CCPG1: variants seen among roughly 807,000 people sequenced by gnomAD.
CCPG1 encodes cell cycle progression protein 1.
A neutral mutation model predicts 81.3 loss-of-function variants in CCPG1; 46 were observed. That is an observed-to-expected ratio of 0.57 (90% confidence interval 0.45 to 0.72). CCPG1 has a LOEUF of 0.72. CCPG1 is among the 30% of genes least tolerant of loss of function. CCPG1 has a pLI of 0.00. For synonymous variants in CCPG1, 330 were observed against 305.2 expected, an observed-to-expected ratio of 1.08 and a Z score of -0.85; for missense variants, 902 against 937.6, an observed-to-expected ratio of 0.96 and a Z score of 0.50.
intron 3 of CCPG1, among the ~76,000 whole-genome samples, chr15:55,384,454 G>A (rs2056760865): frequency 1.3e-5 from 2 of 152,174 alleles, no homozygotes; most frequent in African/African-American, 2.4e-5. Flanking sequence ...GAGGTCAGGA[G>A]TTCGAGACCA....
At chr15:55,376,668 G>C (rs1237192596) in intron 5 of CCPG1, among the ~76,000 whole-genome samples, 1 of 152,050 alleles carries the variant, frequency 6.6e-6, no homozygotes, top group East Asian at 1.9e-4. Context: ...AGCACCAAAA[G>C]AATTTTGGAG....
intron 6 of CCPG1, among the ~76,000 whole-genome samples, chr15:55,368,093 C>G (rs1157287129): frequency 1.3e-5 from 2 of 152,124 alleles, no homozygotes; most frequent in African/African-American, 2.4e-5. Flanking sequence ...GATGCAAAAT[C>G]CAGGTATATG....
At chr15:55,377,253 A>T in intron 4 of CCPG1, 103 bp from the exon 5 acceptor site, 1 of 778,454 alleles carries the variant, frequency 1.3e-6, no homozygotes, top group Non-Finnish European at 2.1e-6. Flanking sequence ...ATCTGAGTTA[A>T]AATAAAAGAT....
At chr15:55,365,445 T>C (rs1227579752) in intron 6 of CCPG1, 136 bp from the exon 7 acceptor site, 1 of 603,676 alleles carries the variant, frequency 1.7e-6, no homozygotes, top group African/African-American at 1.9e-5. Context: ...TTTTTTTTGT[T>C]TTTTGAGAAG....
chr15:55,383,405 G>A (rs536357225), intron 3 of CCPG1, among the ~76,000 whole-genome samples: 52 of 152,178 alleles, frequency 3.4e-4, no homozygotes, highest in Non-Finnish European at 6.9e-4. Context: ...AGGGTCCTAG[G>A]ATTTCTCAAG....
At chr15:55,384,833 C>CA (rs1332317069) in intron 3 of CCPG1, among the ~76,000 whole-genome samples, 1 of 151,996 alleles carries the variant, frequency 6.6e-6, no homozygotes, top group Non-Finnish European at 1.5e-5. Context: ...TACAATAAAG[C>CA]AAAGCAGAAT....
At chr15:55,394,690 C>A (rs536351592) in intron 1 of CCPG1, among the ~76,000 whole-genome samples, 6 of 151,978 alleles carry the variant, frequency 3.9e-5, no homozygotes, top group Admixed American at 1.3e-4. Flanking sequence ...TTTATGGTTT[C>A]TCTGAATAAA....
intron 5 of CCPG1, 94 bp from the exon 6 acceptor site, chr15:55,372,138 T>C (rs755395405): frequency 1.1e-5 from 13 of 1,216,920 alleles, no homozygotes; most frequent in Admixed American, 2.3e-5. Context: ...ATCCCTTACA[T>C]GCCTTTCTAC....
At chr15:55,363,693 C>T (rs1359804596) in intron 7 of CCPG1, among the ~76,000 whole-genome samples, 1 of 147,872 alleles carries the variant, frequency 6.8e-6, no homozygotes. Context: ...GTATTTTTGT[C>T]TTTTCAAGAA....
In CCPG1 at chr15:55,359,526, T is replaced by C. The variant is rs769166438; in HGVS notation, c.2234+13A>G. ...ACAAACTACTGTAATGACACGGTTT[T>C]ATGTAAACCGACCTGGGTCCATATG... On this transcript the variant is annotated intron_variant, in intron 8 of 8. Coordinates refer to ENST00000442196, the MANE Select transcript of CCPG1 (RefSeq NM_001204450.2). 12 of 1,582,828 alleles carry C rather than the reference T, an allele frequency of 7.6e-6. No individual in the cohort carries two copies. The highest frequency in any genetic ancestry group is 1.0e-5 in the Non-Finnish European group (12 of 1,168,230).
At chr15:55,392,478 A>G (rs2056940732) in intron 1 of CCPG1, among the ~76,000 whole-genome samples, 1 of 151,550 alleles carries the variant, frequency 6.6e-6, no homozygotes, top group African/African-American at 2.4e-5. Flanking sequence ...CAGCCTCCCA[A>G]AGTGCTGGGA....
chr15:55,389,544 CAG>C, intron 1 of CCPG1, 111 bp from the exon 2 acceptor site: 1 of 722,482 alleles, frequency 1.4e-6, no homozygotes, highest in Non-Finnish European at 2.5e-6. Flanking sequence ...CCAGGTGAAA[CAG>C]AGACAAGCCA....
chr15:55,376,199 C>G (rs2056561711), intron 5 of CCPG1, among the ~76,000 whole-genome samples: 3 of 152,198 alleles, frequency 2.0e-5, no homozygotes, highest in Non-Finnish European at 4.4e-5. Context: ...ATAACTCACG[C>G]TTAGTTATAA....
intron 1 of CCPG1, among the ~76,000 whole-genome samples, chr15:55,395,699 G>C (rs7169948): frequency 0.41 from 61,796 of 151,790 alleles, 13,849 homozygotes; most frequent in East Asian, 0.74. Context: ...ATTATTTTCT[G>C]CATCTGGCAC....
chr15:55,389,113 G>A (rs1227137044), intron 2 of CCPG1, among the ~76,000 whole-genome samples: 4 of 125,688 alleles, frequency 3.2e-5, no homozygotes, highest in African/African-American at 1.2e-4. Flanking sequence ...GAAAATGAAA[G>A]TAAAGCACAG....
chr15:55,374,053 G>A (rs1042851527), intron 5 of CCPG1: 8 of 548,822 alleles, frequency 1.5e-5, no homozygotes, highest in Admixed American at 5.3e-5. Flanking sequence ...CCTGTTTAGA[G>A]TATTGCGGAT....
Position 55,363,799 on chromosome 15 carries a change from CTTT to C in CCPG1, c.828+1386_828+1388del, listed in dbSNP as rs565044184. Among the ~76,000 whole-genome samples, 315 of 93,836 alleles carry C rather than the reference CTTT, an allele frequency of 3.4e-3. 1 individual carries two copies. Among genetic ancestry groups the C allele is most frequent in the Non-Finnish European group, 4.5e-3 (230 of 51,142 alleles). The allele number at this position is 93,836 out of a possible 152,430, so 61.6% of individuals were successfully genotyped here. On this transcript the variant is annotated intron_variant, in intron 7 of 8. Coordinates refer to ENST00000442196, the MANE Select transcript of CCPG1 (RefSeq NM_001204450.2). Reference sequence around the variant, plus strand: ...AATAGCTTACTTTTCTTTCCTTTTCCTTTTTTTTTTTTTTTTTTTTTTTTGAGA... The same window carrying C: ...AATAGCTTACTTTTCTTTCCTTTTCCTTTTTTTTTTTTTTTTTTTTTGAGA...
At chr15:55,405,926 A>AT (rs2057210106) in intron 1 of CCPG1, among the ~76,000 whole-genome samples, 1 of 152,120 alleles carries the variant, frequency 6.6e-6, no homozygotes, top group Non-Finnish European at 1.5e-5. Flanking sequence ...GTACAGTGGC[A>AT]TGATCTCGGC....
intron 1 of CCPG1, among the ~76,000 whole-genome samples, chr15:55,400,303 G>C (rs1040357627): frequency 4.7e-5 from 7 of 149,074 alleles, no homozygotes; most frequent in Admixed American, 1.3e-4. Flanking sequence ...GAGGTCATGA[G>C]TTCGAGACCA....
Sources: gnomAD v4.1 joint callset for allele counts (sites outside exome capture counted in the v4.1 genomes callset) on GRCh38, gnomAD v4.1.1 for gene constraint, MANE v1.5 for transcripts, NCBI Gene and HGNC (gene_info 2026-07-23, HGNC 2026-07-21) for gene names.